Variants in AGK observed in about 807,000 individuals in gnomAD.
The protein encoded by AGK is acylglycerol kinase.
AGK carries 52 observed loss-of-function variants against 66.4 expected under a neutral mutation model. The observed-to-expected ratio is 0.78, with a 90% CI of 0.63 to 0.99. AGK has a LOEUF of 0.99. Ranked by LOEUF, AGK falls within the 50% of genes least tolerant of loss-of-function variation. The pLI, the probability that AGK is intolerant of heterozygous loss-of-function variation, is 0.00. For synonymous variants in AGK, 182 were observed against 181.1 expected (o/e 1.00, Z -0.04); for missense variants, 451 against 506.6 (o/e 0.89, Z 1.05).
intron 13 of AGK, among the ~76,000 whole-genome samples, chr7:141,646,293 G>A (rs2117022314): frequency 6.6e-6 from 1 of 152,256 alleles, no homozygotes; most frequent in African/African-American, 2.4e-5. Flanking sequence ...TAGAGGTTGA[G>A]TTACCTACCA....
At chr7:141,575,178 G>A (rs568965366) in intron 2 of AGK, among the ~76,000 whole-genome samples, 10 of 152,178 alleles carry the variant, frequency 6.6e-5, no homozygotes, top group South Asian at 2.1e-4. Flanking sequence ...TCTTGATTGC[G>A]TTTTTGTCAT....
intron 2 of AGK, among the ~76,000 whole-genome samples, chr7:141,573,747 G>A (rs1795666404): frequency 6.6e-6 from 1 of 152,166 alleles, no homozygotes; most frequent in Non-Finnish European, 1.5e-5. Flanking sequence ...GAGGGACGTG[G>A]GGACATAGGG....
chr7:141,631,352 A>T (rs1183966952), intron 9 of AGK, among the ~76,000 whole-genome samples: 1 of 152,160 alleles, frequency 6.6e-6, no homozygotes, highest in Non-Finnish European at 1.5e-5. Flanking sequence ...TCACTTAGGT[A>T]TTCTGTGAGG....
At chr7:141,582,538 A>G (rs941520202) in intron 2 of AGK, among the ~76,000 whole-genome samples, 1 of 152,046 alleles carries the variant, frequency 6.6e-6, no homozygotes, top group Non-Finnish European at 1.5e-5. Flanking sequence ...AGAATAAGAC[A>G]GCCTTCTGAC....
At position 141,636,980 on chromosome 7, in the gene AGK, T is replaced by C; in HGVS notation, c.689T>C (p.Leu230Pro). 1 of 1,612,672 alleles carries C rather than the reference T, an allele frequency of 6.2e-7. No individual in the cohort carries two copies. The highest frequency in any genetic ancestry group is 2.2e-5 in the East Asian group (1 of 44,814). The change falls in exon 11 of 16, where the codon CTA (leucine) becomes CCA (proline). Residue 230 changes from leucine to proline, a missense_variant. Leu to Pro is a moderately conservative substitution (Grantham distance 98). Coordinates refer to ENST00000649286, the MANE Select transcript of AGK (RefSeq NM_018238.4). ...CACAGGTACTGGTATCTTGGGCCTC[T>C]AAAAATCAAAGCAGCCCACTTTTTC... ...KVSKYWYLGP[L>P]KIKAAHFFST...
chr7:141,649,210 C>A, intron 13 of AGK, 53 bp from the exon 14 acceptor site: 1 of 1,218,990 alleles, frequency 8.2e-7, no homozygotes, highest in Non-Finnish European at 1.2e-6. Context: ...TGACAACAGG[C>A]TGCATTAGCC....
At chr7:141,556,504 G>A (rs543495154) in intron 2 of AGK, among the ~76,000 whole-genome samples, 35 of 150,240 alleles carry the variant, frequency 2.3e-4, no homozygotes, top group African/African-American at 8.4e-4. Context: ...TCGGGCCACT[G>A]CACTCTAGCC....
chr7:141,570,989 G>A (rs1587072834), intron 2 of AGK, among the ~76,000 whole-genome samples: 1 of 152,108 alleles, frequency 6.6e-6, no homozygotes, highest in East Asian at 1.9e-4. Context: ...CCTCGACTGG[G>A]CAGATAGCTT....
At chr7:141,629,549 A>T (rs1797010675) in intron 9 of AGK, among the ~76,000 whole-genome samples, 1 of 152,096 alleles carries the variant, frequency 6.6e-6, no homozygotes, top group Non-Finnish European at 1.5e-5. Context: ...CCCAACAGGG[A>T]CTAGTCTCTC....
intron 9 of AGK, among the ~76,000 whole-genome samples, chr7:141,629,242 C>T (rs893490024): frequency 1.3e-5 from 2 of 152,098 alleles, no homozygotes; most frequent in Non-Finnish European, 1.5e-5. Context: ...GTTCCTTAAG[C>T]GTTTATTCCA....
chr7:141,568,979 A>C (rs922769894), intron 2 of AGK, among the ~76,000 whole-genome samples: 1 of 152,210 alleles, frequency 6.6e-6, no homozygotes, highest in African/African-American at 2.4e-5. Flanking sequence ...CTTGACATTA[A>C]GCTTGCAAAG....
chr7:141,560,822 A>AAG (rs1562958135), intron 2 of AGK, among the ~76,000 whole-genome samples: 1 of 110,708 alleles, frequency 9.0e-6, no homozygotes, highest in Non-Finnish European at 1.7e-5. Context: ...TTTGAGCCGG[A>AAG]GTCTCGCTCT....
chr7:141,651,752 G>A, intron 15 of AGK, 143 bp downstream of exon 15: 1 of 761,248 alleles, frequency 1.3e-6, no homozygotes, highest in Admixed American at 2.1e-5. Context: ...CAGGCTCTGG[G>A]TCATATTAGC....
intron 3 of AGK, 93 bp from the exon 4 acceptor site, chr7:141,596,469 C>A: frequency 8.8e-7 from 1 of 1,131,720 alleles, no homozygotes; most frequent in Admixed American, 1.7e-5. Context: ...ACCTTATGTG[C>A]TGCAAGTACA....
intron 8 of AGK, among the ~76,000 whole-genome samples, chr7:141,620,561 A>G (rs544947138): frequency 6.6e-6 from 1 of 152,192 alleles, no homozygotes; most frequent in Non-Finnish European, 1.5e-5. Context: ...TAACGAAGAC[A>G]CACACTGGAA....
At chr7:141,648,661 C>T (rs1375968173) in intron 13 of AGK, among the ~76,000 whole-genome samples, 3 of 152,264 alleles carry the variant, frequency 2.0e-5, no homozygotes, top group Admixed American at 2.0e-4. Context: ...GGGAACTGGT[C>T]CAAGAACCAA....
chr7:141,651,924 A>G lies in AGK; in HGVS notation c.1131+315A>G, dbSNP rs114379930. Among the ~76,000 whole-genome samples the G allele has an allele frequency of 3.6e-3, 545 of 152,360 alleles. 3 individuals carry two copies. The highest frequency in any genetic ancestry group is 0.013 in the African/African-American group (520 of 41,582). On this transcript the variant is annotated intron_variant, in intron 15 of 15. Transcript: ENST00000649286. ...AATAATGCAGAAGGTTACTACATTA[A>G]GACACATAGAGAATTGTCTAGCTGG... is the stretch of plus-strand genomic sequence containing the variant.
intron 5 of AGK, among the ~76,000 whole-genome samples, chr7:141,601,497 A>G (rs1796339792): frequency 6.6e-6 from 1 of 152,220 alleles, no homozygotes; most frequent in African/African-American, 2.4e-5. Context: ...AGAACTTGAC[A>G]CCTTTCATCT....
chr7:141,624,693 T>C (rs1421917292), intron 9 of AGK, among the ~76,000 whole-genome samples: 1 of 152,206 alleles, frequency 6.6e-6, no homozygotes, highest in Admixed American at 6.5e-5. Context: ...TTCTTATGGA[T>C]GAGCAAAGAA....
Sources: allele counts gnomAD v4.1 joint callset (sites outside exome capture counted in the v4.1 genomes callset), GRCh38; gene constraint gnomAD v4.1.1; transcripts MANE v1.5; gene names NCBI Gene and HGNC (gene_info 2026-07-23, HGNC 2026-07-21).